HSF2BP: variants seen among roughly 807,000 people sequenced by gnomAD.
The protein encoded by HSF2BP is heat shock factor 2-binding protein.
A neutral mutation model predicts 35.0 loss-of-function variants in HSF2BP; 35 were observed. The ratio of observed to expected loss-of-function variants is 1.00; its 90% confidence interval spans 0.76 to 1.32. The LOEUF is 1.32. HSF2BP is among the 40% of genes most tolerant of loss of function. The probability of loss-of-function intolerance (pLI) is 0.00; values close to 1 mark genes in which losing one functional copy is unlikely to be tolerated. For synonymous variants in HSF2BP, 114 were observed against 117.4 expected (o/e 0.97, Z 0.18); for missense variants, 326 against 321.7 (o/e 1.01, Z -0.10).
At chr21:43,631,801 A>C (rs1049782315) in intron 5 of HSF2BP, among the ~76,000 whole-genome samples, 6 of 152,070 alleles carry the variant, frequency 3.9e-5, no homozygotes, top group Non-Finnish European at 5.9e-5. Flanking sequence ...CTATTCATCA[A>C]GGCCCATTTC....
intron 8 of HSF2BP, among the ~76,000 whole-genome samples, chr21:43,582,491 G>A (rs2081767964): frequency 7.1e-6 from 1 of 141,776 alleles, no homozygotes. Context: ...GCCTGCTGAG[G>A]GAGATGAAGG....
chr21:43,646,113 T>C (rs2082705368), intron 3 of HSF2BP, among the ~76,000 whole-genome samples: 1 of 149,362 alleles, frequency 6.7e-6, no homozygotes, highest in Non-Finnish European at 1.5e-5. Flanking sequence ...AGGCCAGGAG[T>C]TCGAGACCAG....
intron 6 of HSF2BP, among the ~76,000 whole-genome samples, chr21:43,624,280 A>G (rs1463639666): frequency 1.3e-5 from 2 of 152,248 alleles, no homozygotes; most frequent in South Asian, 4.1e-4. Flanking sequence ...CTCTGACAAC[A>G]GAAGACCAGT....
At chr21:43,618,279 T>C (rs2082293379) in intron 6 of HSF2BP, among the ~76,000 whole-genome samples, 2 of 151,698 alleles carry the variant, frequency 1.3e-5, no homozygotes, top group Non-Finnish European at 1.5e-5. Flanking sequence ...AAGAATCTGG[T>C]GTCAATTATT....
At position 43,602,830 on chromosome 21, in the gene HSF2BP, A is replaced by G. The variant is rs1333776210; in HGVS notation, c.693-10502T>C. 2.6e-5 allele frequency among the ~76,000 whole-genome samples: 4 copies of G among 152,334 alleles called. No homozygotes were observed. In the East Asian group the frequency reaches 5.8e-4, roughly 22 times the overall value. On this transcript the variant is annotated intron_variant, in intron 7 of 8. Coordinates refer to ENST00000291560, the MANE Select transcript of HSF2BP (RefSeq NM_007031.2). ...GGGTTATCCTGAGAACCAAGTGACC[A>G]TTCAGGAATGTGGGTAGCTCCCACC... is the stretch of plus-strand genomic sequence containing the variant.
intron 6 of HSF2BP, among the ~76,000 whole-genome samples, chr21:43,628,750 A>C (rs2082419040): frequency 6.6e-6 from 1 of 152,242 alleles, no homozygotes; most frequent in East Asian, 1.9e-4. Flanking sequence ...CTGGCTTCAA[A>C]GCATCAAAAG....
intron 7 of HSF2BP, among the ~76,000 whole-genome samples, chr21:43,600,718 A>C (rs1371129400): frequency 2.6e-5 from 4 of 152,214 alleles, no homozygotes; most frequent in Admixed American, 2.0e-4. Flanking sequence ...GACATACAAA[A>C]AGATATAAAG....
intron 8 of HSF2BP, among the ~76,000 whole-genome samples, chr21:43,572,992 T>C (rs1293999408): frequency 6.6e-6 from 1 of 152,254 alleles, no homozygotes; most frequent in Non-Finnish European, 1.5e-5. Flanking sequence ...GAAGTTTCCC[T>C]TGTTCTACAA....
intron 7 of HSF2BP, among the ~76,000 whole-genome samples, chr21:43,598,043 A>G (rs560966220): frequency 6.6e-6 from 1 of 152,286 alleles, no homozygotes; most frequent in South Asian, 2.1e-4. Flanking sequence ...TTATCATCTC[A>G]CAAACTAGTA....
chr21:43,605,574 T>A, intron 7 of HSF2BP, among the ~76,000 whole-genome samples: 1 of 103,288 alleles, frequency 9.7e-6, no homozygotes, highest in East Asian at 3.0e-4. Context: ...ACCACAAACA[T>A]CCCCCAACAT....
chr21:43,458,216 C>T, the HSF2BP span, among the ~76,000 whole-genome samples: 1,671 of 49,754 alleles, frequency 0.034, 284 homozygotes, highest in Non-Finnish European at 0.046. Flanking sequence ...CAAAGCTGCC[C>T]GGGACCTTGT....
In HSF2BP at chr21:43,573,846, C is replaced by T. The variant is rs1431445475; in HGVS notation, c.796+18379G>A. ...CGGGGCTCATCTGCATCCAGCTCCC[C>T]ACTTCCTTCCACTTTGCTCGATTCC... On this transcript the variant is annotated intron_variant, in intron 8 of 8. Coordinates refer to ENST00000291560, the MANE Select transcript of HSF2BP (RefSeq NM_007031.2). 3.3e-5 allele frequency among the ~76,000 whole-genome samples: 5 copies of T among 152,186 alleles called. No homozygotes were observed. In the East Asian group the frequency reaches 5.8e-4, roughly 18 times the overall value.
intron 8 of HSF2BP, among the ~76,000 whole-genome samples, chr21:43,574,427 G>A (rs1042928171): frequency 6.6e-6 from 1 of 151,444 alleles, no homozygotes; most frequent in Admixed American, 6.6e-5. Context: ...GTGCGATCTC[G>A]GATCACCGCA....
intron 3 of HSF2BP, among the ~76,000 whole-genome samples, chr21:43,650,702 C>CTTTTTTT (rs998092548): frequency 2.0e-4 from 20 of 99,294 alleles, no homozygotes; most frequent in East Asian, 3.7e-4. Flanking sequence ...TTCAGGCTTG[C>CTTTTTTT]TTTTTTTTTT....
chr21:43,599,500 A>G (rs1568900142), intron 7 of HSF2BP, among the ~76,000 whole-genome samples: 1 of 152,300 alleles, frequency 6.6e-6, no homozygotes, highest in East Asian at 1.9e-4. Flanking sequence ...GAAATATTAA[A>G]TGTTATTTCT....
At chr21:43,587,118 C>T (rs2081861176) in intron 8 of HSF2BP, among the ~76,000 whole-genome samples, 1 of 152,232 alleles carries the variant, frequency 6.6e-6, no homozygotes, top group African/African-American at 2.4e-5. Flanking sequence ...ATTTTTGTTC[C>T]TATTTTCCTA....
At chr21:43,594,536 G>T (rs1302888664) in intron 7 of HSF2BP, among the ~76,000 whole-genome samples, 1 of 152,120 alleles carries the variant, frequency 6.6e-6, no homozygotes, top group Non-Finnish European at 1.5e-5. Flanking sequence ...TAAAAAAGGG[G>T]CTATCACTGA....
At chr21:43,598,868 C>T (rs1457714852) in intron 7 of HSF2BP, among the ~76,000 whole-genome samples, 1 of 152,044 alleles carries the variant, frequency 6.6e-6, no homozygotes, top group Non-Finnish European at 1.5e-5. Context: ...GTTGGAATTC[C>T]TTAGAATTAA....
intron 4 of HSF2BP, among the ~76,000 whole-genome samples, chr21:43,634,518 G>A (rs1356787363): frequency 6.6e-6 from 1 of 152,156 alleles, no homozygotes; most frequent in African/African-American, 2.4e-5. Context: ...CTTTTAGAGA[G>A]ATAAATACAA....
Sources: gnomAD v4.1 joint callset for allele counts (sites outside exome capture counted in the v4.1 genomes callset) on GRCh38, gnomAD v4.1.1 for gene constraint, MANE v1.5 for transcripts, NCBI Gene and HGNC (gene_info 2026-07-23, HGNC 2026-07-21) for gene names.